The following HIPK2 variants were observed in gnomAD, a reference collection of about 807,000 sequenced individuals.
HIPK2 encodes the protein homeodomain interacting protein kinase 2.
A neutral mutation model predicts 113.7 loss-of-function variants in HIPK2; 27 were observed. The observed-to-expected ratio is 0.24, with a 90% CI of 0.17 to 0.33. The LOEUF is 0.33. Ranked by LOEUF, HIPK2 falls within the 10% of genes least tolerant of loss-of-function variation. HIPK2 has a pLI of 1.00. For missense variants in HIPK2, 1,257 were observed against 1,588.0 expected (o/e 0.79, Z 3.54); for synonymous variants, 631 against 642.2 (o/e 0.98, Z 0.26).
intron 2 of HIPK2, among the ~76,000 whole-genome samples, chr7:139,667,478 C>A (rs907563526): frequency 1.3e-5 from 2 of 152,150 alleles, no homozygotes; most frequent in Non-Finnish European, 2.9e-5. Context: ...TGTACACATA[C>A]ATAGTTTTTA....
At chr7:139,644,543 A>G (rs1801141913) in intron 2 of HIPK2, among the ~76,000 whole-genome samples, 1 of 152,274 alleles carries the variant, frequency 6.6e-6, no homozygotes, top group African/African-American at 2.4e-5. Context: ...GAAAGGAGCC[A>G]GGCCTCAGCC....
chr7:139,594,494 T>C (rs1799130093), intron 12 of HIPK2, among the ~76,000 whole-genome samples: 1 of 152,160 alleles, frequency 6.6e-6, no homozygotes, highest in Non-Finnish European at 1.5e-5. Context: ...GTCACAATAA[T>C]GTGATCACAG....
intron 2 of HIPK2, among the ~76,000 whole-genome samples, chr7:139,665,095 T>C (rs1802005592): frequency 1.3e-5 from 2 of 151,432 alleles, no homozygotes; most frequent in Admixed American, 6.6e-5. Flanking sequence ...TGGAATGCAG[T>C]GGTACAATCA....
intron 12 of HIPK2, among the ~76,000 whole-genome samples, chr7:139,585,757 C>T (rs1198392452): frequency 6.6e-6 from 1 of 152,104 alleles, no homozygotes; most frequent in Admixed American, 6.5e-5. Flanking sequence ...GTTGTGTTAC[C>T]TTAGTTAACA....
chr7:139,660,745 G>C (rs944199057), intron 2 of HIPK2, among the ~76,000 whole-genome samples: 5 of 152,234 alleles, frequency 3.3e-5, no homozygotes, highest in African/African-American at 1.2e-4. Flanking sequence ...CAGAGGGCTA[G>C]CCAGTCTAGA....
intron 1 of HIPK2, among the ~76,000 whole-genome samples, chr7:139,717,430 CAGACCCTGTCA>C (rs1272560757): frequency 2.0e-5 from 3 of 152,194 alleles, no homozygotes; most frequent in African/African-American, 7.2e-5. Flanking sequence ...GCCTTGTCCA[CAGACCCTGTCA>C]AGTTTACTGG....
intron 1 of HIPK2, among the ~76,000 whole-genome samples, chr7:139,717,647 C>G (rs1795287423): frequency 6.6e-6 from 1 of 152,222 alleles, no homozygotes; most frequent in South Asian, 2.1e-4. Context: ...GACTGGGTAG[C>G]ACAATTCATG....
Position 139,631,906 on chromosome 7 carries a change from T to C in HIPK2, c.1104-181A>G. The C allele has an allele frequency of 1.7e-5, 5 of 300,806 alleles. No homozygotes were observed. Among genetic ancestry groups the C allele is most frequent in the Non-Finnish European group, 2.4e-5 (5 of 204,364 alleles). 18.6% of individuals were successfully genotyped at this position (300,806 alleles called of 1,614,324 possible). On this transcript the variant is annotated intron_variant, in intron 2 of 14. Coordinates refer to ENST00000406875, the MANE Select transcript of HIPK2 (RefSeq NM_022740.5). The surrounding 1 kb of genome is among the most constrained non-coding windows in gnomAD (Gnocchi z 4.9). ...CCATTCTTTGGCTTGGTCCCCTCCA[T>C]TAGTGGAGGGCCCACTTGGAAGGTT...
intron 1 of HIPK2, among the ~76,000 whole-genome samples, chr7:139,758,184 T>C (rs1796393032): frequency 6.6e-6 from 1 of 152,116 alleles, no homozygotes; most frequent in Non-Finnish European, 1.5e-5. Context: ...ACATGGAGAA[T>C]AGCCAGGACA....
intron 2 of HIPK2, among the ~76,000 whole-genome samples, chr7:139,641,371 A>C (rs1185355550): frequency 1.3e-5 from 2 of 150,852 alleles, no homozygotes; most frequent in Non-Finnish European, 3.0e-5. Context: ...TCAGTCTCAA[A>C]AAAAAAAAAA....
intron 2 of HIPK2, among the ~76,000 whole-genome samples, chr7:139,634,637 A>G (rs2116316965): frequency 6.7e-6 from 1 of 149,778 alleles, no homozygotes; most frequent in East Asian, 2.0e-4. Flanking sequence ...TTAAAACATC[A>G]CATCCCTTAG....
At chr7:139,619,988 C>T (rs1026040059) in intron 7 of HIPK2, among the ~76,000 whole-genome samples, 11 of 152,146 alleles carry the variant, frequency 7.2e-5, no homozygotes, top group South Asian at 2.1e-4. Flanking sequence ...TCTTGAACTT[C>T]CTGGCTTTAA....
chr7:139,580,571 C>T (rs1393660356), intron 13 of HIPK2, among the ~76,000 whole-genome samples: 4 of 152,220 alleles, frequency 2.6e-5, no homozygotes, highest in Admixed American at 6.5e-5. Flanking sequence ...AGCTACTCTC[C>T]GTGATCTCCT....
chr7:139,728,357 G>A (rs1252258159), intron 1 of HIPK2, among the ~76,000 whole-genome samples: 6 of 152,194 alleles, frequency 3.9e-5, no homozygotes, highest in African/African-American at 1.4e-4. Flanking sequence ...AACAGCAGAC[G>A]CTGTCTCACA....
At chr7:139,708,171 G>A (rs573729348) in intron 2 of HIPK2, among the ~76,000 whole-genome samples, 1 of 152,176 alleles carries the variant, frequency 6.6e-6, no homozygotes, top group Non-Finnish European at 1.5e-5. Flanking sequence ...ACACTCTGGA[G>A]CCCATGCCAT....
rs1046789145 is a variant in HIPK2, at chr7:139,566,624, G to C, written c.*6303C>G. 4.6e-5 allele frequency: 7 copies of C among 152,208 alleles called. No homozygotes were observed. The highest frequency in any genetic ancestry group is 1.3e-4 in the Admixed American group (2 of 15,270). 9.4% of individuals were successfully genotyped at this position (152,208 alleles called of 1,614,324 possible). ...CCTTCAACACCTGCCACTTCTCAGA[G>C]CATCCGGTCAGCTCCCTTATCTATA... On this transcript the variant is annotated 3_prime_UTR_variant, in exon 15 of 15. Coordinates refer to ENST00000406875, the MANE Select transcript of HIPK2 (RefSeq NM_022740.5). This position sits in a 1 kb window ranked among gnomAD's most constrained non-coding sequence, Gnocchi z 4.1.
intron 13 of HIPK2, among the ~76,000 whole-genome samples, chr7:139,582,388 C>T (rs73485533): frequency 0.014 from 2,083 of 152,318 alleles, 44 homozygotes; most frequent in African/African-American, 0.046. Context: ...GCGCGAGCTG[C>T]GTGCTGCTTG....
rs116204943 is a variant in HIPK2, at chr7:139,600,409, C to T, written c.2435+8G>A. ...TTTCTCTTCCCTAGGGTGGCTCTCACCACCTACCTCACAGATGACTGGTGC... is the reference window on the plus strand; with the variant it reads ...TTTCTCTTCCCTAGGGTGGCTCTCATCACCTACCTCACAGATGACTGGTGC... On this transcript the variant is annotated splice_region_variant and intron_variant, in intron 11 of 14. Transcript: ENST00000406875. The T allele has an allele frequency of 1.6e-3, 2,581 of 1,611,792 alleles. 32 individuals carry two copies. In the African/African-American group the frequency reaches 0.03, roughly 19 times the overall value.
intron 1 of HIPK2, among the ~76,000 whole-genome samples, chr7:139,717,398 C>G (rs931654323): frequency 1.3e-5 from 2 of 152,198 alleles, no homozygotes; most frequent in African/African-American, 4.8e-5. Flanking sequence ...TCACGTACTT[C>G]GTTGCCCACA....
Sources: gnomAD v4.1 joint callset for allele counts (sites outside exome capture counted in the v4.1 genomes callset) on GRCh38, gnomAD v4.1.1 for gene constraint, Gnocchi (gnomAD v3.1) non-coding constraint, MANE v1.5 for transcripts, NCBI Gene and HGNC (gene_info 2026-07-23, HGNC 2026-07-21) for gene names.